The following PARD3 variants were observed in gnomAD, a reference collection of about 807,000 sequenced individuals.
PARD3 encodes the protein partitioning defective 3 homolog.
PARD3 carries 75 observed loss-of-function variants against 155.4 expected under a neutral mutation model. The observed-to-expected ratio is 0.48, with a 90% CI of 0.40 to 0.58. The LOEUF (loss-of-function observed/expected upper bound fraction) is 0.58, where lower values mean the gene tolerates loss of function less well. PARD3 is among the 20% of genes least tolerant of loss of function. The pLI, the probability that PARD3 is intolerant of heterozygous loss-of-function variation, is 0.00. For missense variants in PARD3, 1,642 were observed against 1,721.7 expected, an observed-to-expected ratio of 0.95 and a Z score of 0.82; for synonymous variants, 576 against 610.5, an observed-to-expected ratio of 0.94 and a Z score of 0.83.
At chr10:34,670,131 G>T (rs1167405518) in intron 2 of PARD3, among the ~76,000 whole-genome samples, 1 of 152,210 alleles carries the variant, frequency 6.6e-6, no homozygotes, top group African/African-American at 2.4e-5. Context: ...CTCTTATCAC[G>T]TATAAAGACC....
intron 2 of PARD3, among the ~76,000 whole-genome samples, chr10:34,668,688 C>G (rs1387392823): frequency 6.6e-6 from 1 of 152,094 alleles, no homozygotes; most frequent in East Asian, 1.9e-4. Flanking sequence ...AGAAGAAAAA[C>G]TTGGCCAGGC....
At chr10:34,115,703 A>G (rs1259261287) in intron 24 of PARD3, among the ~76,000 whole-genome samples, 3 of 141,512 alleles carry the variant, frequency 2.1e-5, no homozygotes, top group African/African-American at 7.9e-5. Flanking sequence ...GTCAATTTAT[A>G]ATTTTTTTCT....
At chr10:34,531,994 C>G (rs982136725) in intron 2 of PARD3, among the ~76,000 whole-genome samples, 1 of 150,724 alleles carries the variant, frequency 6.6e-6, no homozygotes, top group African/African-American at 2.5e-5. Context: ...CAAGTAACAA[C>G]AGGAGGGGGC....
At chr10:34,284,682 A>C (rs1368563297) in intron 20 of PARD3, among the ~76,000 whole-genome samples, 1 of 152,164 alleles carries the variant, frequency 6.6e-6, no homozygotes, top group Non-Finnish European at 1.5e-5. Flanking sequence ...ACTATTCTTT[A>C]TTTTCACAGC....
intron 2 of PARD3, among the ~76,000 whole-genome samples, chr10:34,530,393 A>C (rs886667890): frequency 1.3e-5 from 2 of 152,170 alleles, no homozygotes; most frequent in African/African-American, 4.8e-5. Context: ...CAGATGGTGT[A>C]ATTTTGGTTT....
intron 2 of PARD3, among the ~76,000 whole-genome samples, chr10:34,534,894 C>T (rs2083115601): frequency 6.6e-6 from 1 of 152,158 alleles, no homozygotes; most frequent in Non-Finnish European, 1.5e-5. Flanking sequence ...TGCCTGTAAT[C>T]TCAGCTTCTC....
At chr10:34,776,863 G>T (rs1312769939) in intron 1 of PARD3, among the ~76,000 whole-genome samples, 1 of 145,576 alleles carries the variant, frequency 6.9e-6, no homozygotes, top group Non-Finnish European at 1.5e-5. Context: ...GGGGGATGGA[G>T]TCTCACTCTG....
intron 1 of PARD3, among the ~76,000 whole-genome samples, chr10:34,723,247 G>C (rs955182450): frequency 2.0e-5 from 3 of 152,122 alleles, no homozygotes; most frequent in African/African-American, 7.2e-5. Context: ...GGGAGGCTGC[G>C]GCAGGAGAAC....
intron 23 of PARD3, among the ~76,000 whole-genome samples, 160 bp from the exon 24 acceptor site, chr10:34,119,900 A>G (rs368852169): frequency 2.0e-5 from 3 of 150,430 alleles, no homozygotes; most frequent in African/African-American, 7.4e-5. Flanking sequence ...TGGCATACAT[A>G]TATTTGCTCT....
At chr10:34,567,374 T>A (rs762996204) in intron 2 of PARD3, among the ~76,000 whole-genome samples, 8 of 152,226 alleles carry the variant, frequency 5.3e-5, no homozygotes, top group Non-Finnish European at 7.3e-5. Context: ...CTAACGAGAC[T>A]ATTTTACATT....
chr10:34,778,417 A>G (rs182590437), intron 1 of PARD3, among the ~76,000 whole-genome samples: 1 of 152,338 alleles, frequency 6.6e-6, no homozygotes, highest in Admixed American at 6.5e-5. Flanking sequence ...CTCAGCTTTA[A>G]GAACTGAGCA....
chr10:34,581,184 T>C (rs569667519), intron 2 of PARD3, among the ~76,000 whole-genome samples: 43 of 151,854 alleles, frequency 2.8e-4, no homozygotes, highest in Non-Finnish European at 4.1e-4. Flanking sequence ...TTTGGGATTC[T>C]TGGGAAATTT....
At chr10:34,168,358 T>C (rs1211074492) in intron 22 of PARD3, among the ~76,000 whole-genome samples, 1 of 152,234 alleles carries the variant, frequency 6.6e-6, no homozygotes, top group Non-Finnish European at 1.5e-5. Context: ...TATCTTAGTA[T>C]AAAACATGTC....
intron 14 of PARD3, among the ~76,000 whole-genome samples, chr10:34,352,173 T>C (rs1838159533): frequency 1.3e-5 from 2 of 152,346 alleles, no homozygotes; most frequent in South Asian, 4.1e-4. Flanking sequence ...TCTACAAATA[T>C]TAATGTCTTT....
In PARD3 at chr10:34,384,236, T is replaced by C. The variant is rs769558269; in HGVS notation, c.909A>G (p.Val303=). 30 of 1,613,650 alleles carry C rather than the reference T, an allele frequency of 1.9e-5. No homozygotes were observed. The Admixed American group carries it at 4.2e-4, about 22-fold the overall frequency. The change falls in exon 8 of 25, where the codon GTA becomes GTG. Residue 303 remains valine, a synonymous_variant. Coordinates refer to ENST00000374788, the MANE Select transcript of PARD3 (RefSeq NM_001184785.2). ...ARGGRTLGLL[V]KRLEKGGKAE... is the part of the protein sequence containing the mutation. ...CTTTACCACCTTTCTCCAATCGTTT[T>C]ACTAATAACCCCAGGGTTCTGGAAC...
At chr10:34,313,294 C>T (rs1453840383) in intron 20 of PARD3, among the ~76,000 whole-genome samples, 4 of 152,198 alleles carry the variant, frequency 2.6e-5, no homozygotes, top group African/African-American at 9.7e-5. Context: ...TGTAAGCACA[C>T]TCAGGTTTCT....
At chr10:34,652,452 A>C (rs2093041251) in intron 2 of PARD3, among the ~76,000 whole-genome samples, 1 of 152,226 alleles carries the variant, frequency 6.6e-6, no homozygotes, top group African/African-American at 2.4e-5. Flanking sequence ...AGAACCCAGA[A>C]AACAGGGAAT....
At position 34,479,322 on chromosome 10, in the gene PARD3, C is replaced by T. The variant is rs112357099; in HGVS notation, c.404-9059G>A. Among the ~76,000 whole-genome samples, 631 of 151,928 alleles carry T rather than the reference C, an allele frequency of 4.2e-3. 3 individuals carry two copies. The highest frequency in any genetic ancestry group is 8.8e-3 in the African/African-American group (364 of 41,436). On this transcript the variant is annotated intron_variant, in intron 3 of 24. Transcript: ENST00000374788. Reference sequence around the variant, plus strand: ...GACTACAGGCGCCTGCCACCACGCCCGGCTAATTTTTTGTATTTTTAGTAG... The same window carrying T: ...GACTACAGGCGCCTGCCACCACGCCTGGCTAATTTTTTGTATTTTTAGTAG...
At chr10:34,547,870 G>C (rs2084224284) in intron 2 of PARD3, among the ~76,000 whole-genome samples, 1 of 152,140 alleles carries the variant, frequency 6.6e-6, no homozygotes, top group Admixed American at 6.5e-5. Flanking sequence ...TGAAAAAATA[G>C]CCTACATTAT....
Sources: gnomAD v4.1 joint callset for allele counts (sites outside exome capture counted in the v4.1 genomes callset) on GRCh38, gnomAD v4.1.1 for gene constraint, MANE v1.5 for transcripts, NCBI Gene and HGNC (gene_info 2026-07-23, HGNC 2026-07-21) for gene names.